Variants in SLCO1A2 observed in about 807,000 individuals in gnomAD.
SLCO1A2 encodes the protein OATP-1.
A neutral mutation model predicts 69.0 loss-of-function variants in SLCO1A2; 67 were observed. The observed-to-expected ratio is 0.97, with a 90% CI of 0.80 to 1.19. The LOEUF (loss-of-function observed/expected upper bound fraction) is 1.19. Among genes scored for constraint, SLCO1A2 ranks in the 50% most tolerant of loss-of-function variants. SLCO1A2 has a pLI of 0.00. For missense variants in SLCO1A2, 787 were observed against 793.7 expected (o/e 0.99, Z 0.10); for synonymous variants, 260 against 265.9 (o/e 0.98, Z 0.22).
At chr12:21,408,165 A>C (rs1444931301) in intron 1 of SLCO1A2, among the ~76,000 whole-genome samples, 1 of 152,196 alleles carries the variant, frequency 6.6e-6, no homozygotes, top group African/African-American at 2.4e-5. Flanking sequence ...CCTGTGACTT[A>C]GATGGGCCTG....
intron 12 of SLCO1A2, among the ~76,000 whole-genome samples, chr12:21,278,934 A>C (rs1304373438): frequency 2.0e-5 from 3 of 152,144 alleles, no homozygotes; most frequent in Admixed American, 2.0e-4. Context: ...ATTTTGAGGA[A>C]ACTCAAAGAA....
rs1171395809 is a variant in SLCO1A2, at chr12:21,274,575, C to A, written c.1687G>T (p.Ala563Ser). Residue 563 changes from alanine (A) to serine (S), a missense_variant, in exon 14 of 15, where the codon GCA (alanine) becomes TCA (serine). Transcript: ENST00000683939. ...FCTRVFAGIP[A>S]PIYFGALMDS... ...ATTAAAGCGCCAAAATATATAGGTG[C>A]AGGAATGCCAGCTACAATTGACAGG... The A allele has an allele frequency of 4.4e-6, 7 of 1,601,202 alleles. No homozygotes were observed. Among genetic ancestry groups the A allele is most frequent in the Non-Finnish European group, 6.0e-6 (7 of 1,169,062 alleles).
rs189599053 is a variant in SLCO1A2, at chr12:21,304,359, A to G, written c.589+68T>C. 9.6e-5 allele frequency: 124 copies of G among 1,289,864 alleles called. No homozygotes were observed. In the African/African-American group the frequency reaches 1.6e-3, roughly 17 times the overall value. The allele number at this position is 1,289,864 out of a possible 1,614,324, so 79.9% of individuals were successfully genotyped here. On this transcript the variant is annotated intron_variant, in intron 6 of 14. Coordinates refer to ENST00000683939, the MANE Select transcript of SLCO1A2 (RefSeq NM_001386879.1). Reference sequence around the variant, plus strand: ...TGGAAATCACTAAGACTACAAAAATATAACTAATTTCTAACCTCAAGGAAC... The same window carrying G: ...TGGAAATCACTAAGACTACAAAAATGTAACTAATTTCTAACCTCAAGGAAC...
chr12:21,373,684 G>A (rs1939969985), intron 2 of SLCO1A2: 1 of 701,538 alleles, frequency 1.4e-6, no homozygotes, highest in Non-Finnish European at 2.6e-6. Flanking sequence ...ATATACTCTT[G>A]GAACTTAGAG....
intron 1 of SLCO1A2, among the ~76,000 whole-genome samples, chr12:21,376,785 T>C (rs1940227549): frequency 6.6e-6 from 1 of 152,102 alleles, no homozygotes; most frequent in African/African-American, 2.4e-5. Context: ...TCCATTGCAT[T>C]TGAGTCCCAG....
rs35736956 is a variant in SLCO1A2 at position 21,305,690 on chromosome 12, C to T, written c.443-1117G>A. 3.7e-4 allele frequency among the ~76,000 whole-genome samples: 56 copies of T among 152,178 alleles called. 1 individual carries two copies. The highest frequency in any genetic ancestry group is 6.5e-5 in the Admixed American group (1 of 15,288). On this transcript the variant is annotated intron_variant, in intron 5 of 14. Coordinates refer to ENST00000683939, the MANE Select transcript of SLCO1A2 (RefSeq NM_001386879.1). ...CCTGGGTCAGTCTTTGGCAATAGCCCGCTCAGGAAGAGAACACAGGCCACT... is the reference window on the plus strand; with the variant it reads ...CCTGGGTCAGTCTTTGGCAATAGCCTGCTCAGGAAGAGAACACAGGCCACT...
At chr12:21,315,995 A>C (rs181399511) in intron 3 of SLCO1A2, among the ~76,000 whole-genome samples, 5 of 152,308 alleles carry the variant, frequency 3.3e-5, no homozygotes, top group African/African-American at 1.2e-4. Context: ...GCTAAGTGAT[A>C]TGTTTATTGC....
rs1941901126 is a variant in SLCO1A2 at position 21,411,197 on chromosome 12, AC to A, written c.-312+6684del. ...ATTTGTTACTGGTTTAAGAAATCTTACCCTGCCTAAAGTTGTTAAAAAACAG... is the reference window on the plus strand; with the variant it reads ...ATTTGTTACTGGTTTAAGAAATCTTACCTGCCTAAAGTTGTTAAAAAACAG... On this transcript the variant is annotated intron_variant, in intron 1 of 4. Coordinates refer to the SLCO1A2 transcript ENST00000413682. Among the ~76,000 whole-genome samples the A allele has an allele frequency of 7.9e-5, 12 of 152,320 alleles. No homozygotes were observed. The South Asian group carries it at 2.5e-3, about 32-fold the overall frequency.
intron 11 of SLCO1A2, among the ~76,000 whole-genome samples, chr12:21,293,217 C>T (rs915439220): frequency 6.6e-6 from 1 of 151,988 alleles, no homozygotes; most frequent in Non-Finnish European, 1.5e-5. Flanking sequence ...GCAGGAGAAT[C>T]GTTTATACCT....
chr12:21,324,613 A>G (rs1952062747), intron 2 of SLCO1A2: 2 of 152,350 alleles, frequency 1.3e-5, no homozygotes, highest in South Asian at 4.1e-4. Flanking sequence ...ATTTGGGAGA[A>G]CTTGGAGAGA....
At chr12:21,375,227 C>G (rs1475116837) in intron 1 of SLCO1A2, among the ~76,000 whole-genome samples, 1 of 152,126 alleles carries the variant, frequency 6.6e-6, no homozygotes, top group Non-Finnish European at 1.5e-5. Context: ...GTTAGTCTCA[C>G]AATCTTTAAC....
intron 2 of SLCO1A2, among the ~76,000 whole-genome samples, chr12:21,365,198 G>A (rs1371678065): frequency 6.6e-6 from 1 of 152,048 alleles, no homozygotes; most frequent in African/African-American, 2.4e-5. Context: ...CCAAAACAGA[G>A]ATATAGACCA....
At chr12:21,286,974 C>T (rs1390060417) in intron 12 of SLCO1A2, among the ~76,000 whole-genome samples, 1 of 148,810 alleles carries the variant, frequency 6.7e-6, no homozygotes, top group Non-Finnish European at 1.5e-5. Flanking sequence ...TCCAAAACAC[C>T]AAAAGCAATG....
intron 2 of SLCO1A2, among the ~76,000 whole-genome samples, chr12:21,363,881 G>A (rs1223771424): frequency 6.6e-6 from 1 of 152,100 alleles, no homozygotes; most frequent in Admixed American, 6.5e-5. Context: ...CCAATAACAG[G>A]TTCTGAAATT....
upstream of SLCO1A2, among the ~76,000 whole-genome samples, chr12:21,335,302 G>A (rs528953600): frequency 6.6e-6 from 1 of 151,722 alleles, no homozygotes; most frequent in Admixed American, 6.6e-5. Flanking sequence ...CTATGATCTG[G>A]AAAATAATCC....
intron 2 of SLCO1A2, among the ~76,000 whole-genome samples, chr12:21,323,776 G>A (rs1951937145): frequency 1.3e-5 from 2 of 151,962 alleles, no homozygotes; most frequent in South Asian, 4.1e-4. Context: ...TAGCTCAGAG[G>A]GCAAAAAACT....
intron 2 of SLCO1A2, among the ~76,000 whole-genome samples, chr12:21,357,469 T>G (rs1938464789): frequency 6.6e-6 from 1 of 152,224 alleles, no homozygotes; most frequent in South Asian, 2.1e-4. Context: ...CCTCCAGAAC[T>G]GTGAAACTAT....
At chr12:21,314,074 T>C (rs1950561120) in intron 4 of SLCO1A2, among the ~76,000 whole-genome samples, 2 of 151,774 alleles carry the variant, frequency 1.3e-5, no homozygotes, top group Non-Finnish European at 2.9e-5. Flanking sequence ...AAAGCAGTAA[T>C]AAGTGACAAG....
intron 12 of SLCO1A2, among the ~76,000 whole-genome samples, chr12:21,280,678 C>CAA (rs71444113): frequency 0.019 from 2,482 of 129,080 alleles, 85 homozygotes; most frequent in African/African-American, 0.065. Flanking sequence ...TCTTCCAGAC[C>CAA]AAAAAAAAAA....
Sources: gnomAD v4.1 joint callset for allele counts (sites outside exome capture counted in the v4.1 genomes callset) on GRCh38, gnomAD v4.1.1 for gene constraint, MANE v1.5 for transcripts, NCBI Gene and HGNC (gene_info 2026-07-23, HGNC 2026-07-21) for gene names.